The following RSU1 variants were observed in gnomAD, a reference collection of about 807,000 sequenced individuals.
The protein encoded by RSU1 is Ras suppressor protein 1, also known as rsu-1.
In RSU1, 26 loss-of-function variants were observed where a neutral mutation model predicts 31.1. The observed-to-expected ratio is 0.84, with a 90% CI of 0.61 to 1.16. The LOEUF (loss-of-function observed/expected upper bound fraction) is 1.16, where lower values mean the gene tolerates loss of function less well. RSU1 is among the 50% of genes most tolerant of loss of function. RSU1 has a pLI of 0.00. For synonymous variants in RSU1, 164 were observed against 136.3 expected, an observed-to-expected ratio of 1.20 and a Z score of -1.41; for missense variants, 320 against 339.1, an observed-to-expected ratio of 0.94 and a Z score of 0.44.
At chr10:16,635,899 C>A (rs1371140771) in intron 8 of RSU1, among the ~76,000 whole-genome samples, 1 of 152,200 alleles carries the variant, frequency 6.6e-6, no homozygotes, top group Non-Finnish European at 1.5e-5. Flanking sequence ...TAATGTTACT[C>A]CAGTCATCAA....
chr10:16,792,862 G>C (rs1035279403), intron 2 of RSU1, among the ~76,000 whole-genome samples: 1 of 152,202 alleles, frequency 6.6e-6, no homozygotes, highest in Admixed American at 6.5e-5. Flanking sequence ...GGCTCCACAG[G>C]AATGTGGAAG....
chr10:16,626,716 C>T (rs949588033), intron 8 of RSU1, among the ~76,000 whole-genome samples: 1 of 152,164 alleles, frequency 6.6e-6, no homozygotes, highest in Non-Finnish European at 1.5e-5. Flanking sequence ...ATCCTAGTGG[C>T]CTGGTCTCAT....
chr10:16,746,983 T>C (rs1836868151), intron 7 of RSU1, among the ~76,000 whole-genome samples: 1 of 152,090 alleles, frequency 6.6e-6, no homozygotes, highest in Non-Finnish European at 1.5e-5. Context: ...TAACTGCATA[T>C]GTCAGGAAAA....
At chr10:16,665,258 T>C (rs1834966371) in intron 8 of RSU1, among the ~76,000 whole-genome samples, 2 of 152,050 alleles carry the variant, frequency 1.3e-5, no homozygotes, top group South Asian at 4.1e-4. Context: ...TTCTAAGTGC[T>C]CTTATATGCA....
At chr10:16,750,527 G>A (rs1836956674) in intron 7 of RSU1, among the ~76,000 whole-genome samples, 1 of 152,090 alleles carries the variant, frequency 6.6e-6, no homozygotes, top group South Asian at 2.1e-4. Flanking sequence ...ATATACATAG[G>A]CATGCGTAGG....
chr10:16,706,074 G>C (rs1206715826), intron 7 of RSU1, among the ~76,000 whole-genome samples: 1 of 152,160 alleles, frequency 6.6e-6, no homozygotes, highest in Non-Finnish European at 1.5e-5. Context: ...TCACATTTTA[G>C]CTACTGTGAA....
chr10:16,816,876 A>C, intron 2 of RSU1, 97 bp downstream of exon 2: 2 of 861,446 alleles, frequency 2.3e-6, no homozygotes, highest in Admixed American at 1.9e-5. Context: ...GCTGGGGTCT[A>C]AACCAGTACA....
In RSU1 at chr10:16,601,080, T is replaced by G. The variant is rs145082581; in HGVS notation, c.732-7584A>C. Among the ~76,000 whole-genome samples the G allele has an allele frequency of 3.7e-4, 56 of 152,202 alleles. No individual in the cohort carries two copies. The East Asian group carries it at 6.6e-3, about 18-fold the overall frequency. On this transcript the variant is annotated intron_variant, in intron 8 of 8. Coordinates refer to ENST00000345264, the MANE Select transcript of RSU1 (RefSeq NM_012425.4). ...TTTGGTCCTGTCTGTCTTTGTGTCTTCTTTCCATCTAATTTTATAACTTTA... is the reference window on the plus strand; with the variant it reads ...TTTGGTCCTGTCTGTCTTTGTGTCTGCTTTCCATCTAATTTTATAACTTTA...
intron 8 of RSU1, among the ~76,000 whole-genome samples, chr10:16,667,843 C>T (rs1045128827): frequency 4.6e-5 from 7 of 152,034 alleles, no homozygotes; most frequent in Admixed American, 4.6e-4. Context: ...ATGAGCCTGC[C>T]AGATATCAGG....
At chr10:16,809,392 C>T (rs931912773) in intron 2 of RSU1, among the ~76,000 whole-genome samples, 2 of 152,138 alleles carry the variant, frequency 1.3e-5, no homozygotes, top group Admixed American at 6.5e-5. Flanking sequence ...ATCTCTCTAC[C>T]CAAAGACAGA....
rs1028694103 is a variant in RSU1 at position 16,763,083 on chromosome 10, G to C, written c.281+1307C>G. On this transcript the variant is annotated intron_variant, in intron 4 of 8. Coordinates refer to ENST00000345264, the MANE Select transcript of RSU1 (RefSeq NM_012425.4). ...CACGTCAATCACTAACTTAACTAGA[G>C]CATTTAGTGGCTACAAATTTAATGA... 7.2e-5 allele frequency among the ~76,000 whole-genome samples: 11 copies of C among 152,150 alleles called. No homozygotes were observed. The South Asian group carries it at 2.1e-3, about 29-fold the overall frequency.
chr10:16,717,836 C>CA lies in RSU1; in HGVS notation c.599-22682dup, dbSNP rs919653630. On this transcript the variant is annotated intron_variant, in intron 7 of 8. Transcript: ENST00000345264. ...CTTAGGCAACTTACCAGTCCTAACA[C>CA]AAAAAAAACGCATTACTATAAATAA... Among the ~76,000 whole-genome samples the CA allele has an allele frequency of 1.8e-4, 27 of 151,424 alleles. 1 individual carries two copies. The highest frequency in any genetic ancestry group is 7.7e-4 in the East Asian group (4 of 5,168).
intron 8 of RSU1, among the ~76,000 whole-genome samples, chr10:16,679,634 C>T (rs1193918378): frequency 6.6e-6 from 1 of 152,128 alleles, no homozygotes; most frequent in Non-Finnish European, 1.5e-5. Context: ...GACAAGGCAG[C>T]ACACGTGGAC....
intron 8 of RSU1, among the ~76,000 whole-genome samples, chr10:16,637,835 A>G (rs1834372310): frequency 1.3e-5 from 2 of 152,094 alleles, no homozygotes; most frequent in Non-Finnish European, 1.5e-5. Flanking sequence ...AAAAAAAAAA[A>G]GTGATTTTCC....
chr10:16,634,939 G>A (rs1027288224), intron 8 of RSU1, among the ~76,000 whole-genome samples: 1 of 152,200 alleles, frequency 6.6e-6, no homozygotes, highest in Non-Finnish European at 1.5e-5. Flanking sequence ...CTTCAGGGCT[G>A]AAACATTTGC....
chr10:16,726,902 C>G, intron 7 of RSU1: 1 of 365,368 alleles, frequency 2.7e-6, no homozygotes, highest in Non-Finnish European at 5.5e-6. Flanking sequence ...CAAAATCCAC[C>G]ATGCAGAAGG....
intron 7 of RSU1, among the ~76,000 whole-genome samples, chr10:16,733,333 T>TA (rs569239845): frequency 0.027 from 2,166 of 79,618 alleles, 55 homozygotes; most frequent in African/African-American, 0.051. Context: ...TCTACGACAA[T>TA]AAAAAAAAAA....
chr10:16,641,986 C>T (rs868183702), intron 8 of RSU1, among the ~76,000 whole-genome samples: 12 of 152,236 alleles, frequency 7.9e-5, no homozygotes, highest in Non-Finnish European at 7.4e-5. Flanking sequence ...TTCCTTTTAG[C>T]GCTGACAATC....
chr10:16,773,886 A>T (rs751455373), intron 3 of RSU1, among the ~76,000 whole-genome samples: 17 of 127,650 alleles, frequency 1.3e-4, no homozygotes, highest in Admixed American at 3.6e-4. Flanking sequence ...CAGTTTTTTT[A>T]AAAAAATCAG....
Sources: allele counts gnomAD v4.1 joint callset (sites outside exome capture counted in the v4.1 genomes callset), GRCh38; gene constraint gnomAD v4.1.1; transcripts MANE v1.5; gene names NCBI Gene and HGNC (gene_info 2026-07-23, HGNC 2026-07-21).